The following AIRE variants were observed in gnomAD, a reference collection of about 807,000 sequenced individuals.
The protein encoded by AIRE is autoimmune regulator.
Under a neutral mutation model 62.1 loss-of-function variants are expected in AIRE, and 52 were observed. The observed-to-expected ratio is 0.84, with a 90% CI of 0.67 to 1.06. AIRE has a LOEUF of 1.06. Among genes scored for constraint, AIRE ranks in the 50% least tolerant of loss-of-function variants. AIRE has a pLI of 0.00. For synonymous variants in AIRE, 342 were observed against 321.6 expected, an observed-to-expected ratio of 1.06 and a Z score of -0.68; for missense variants, 774 against 755.8, an observed-to-expected ratio of 1.02 and a Z score of -0.28.
Position 44,293,039 on chromosome 21 carries a change from C to T in AIRE, c.1142C>T (p.Pro381Leu), listed in dbSNP as rs145243072. 1.4e-5 allele frequency: 22 copies of T among 1,612,450 alleles called. No homozygotes were observed. The highest frequency in any genetic ancestry group is 1.8e-5 in the Non-Finnish European group (21 of 1,179,854). ...GCGGGAGAGGAGGTAAGAGGTCCAC[C>T]TGGGGAACCCCTAGCCGGCATGGAC... ...RSAGEEVRGPPGEPLAGMDTT... is the reference protein window; with the variant it reads ...RSAGEEVRGPLGEPLAGMDTT... The change falls in exon 10 of 14, where the codon CCT becomes CTT. Residue 381 changes from proline (P) to leucine (L), a missense_variant. Physicochemically the swap from Pro to Leu is moderately conservative, Grantham distance 98 (BLOSUM62 -3). This residue lies in a region of AIRE where 354 missense variants were observed against 296.1 expected (regional missense o/e 1.20). Transcript: ENST00000291582.
chr21:44,287,287 C>A lies in AIRE; in HGVS notation c.463+154C>A. 1.1e-6 allele frequency: 1 copy of A among 911,250 alleles called. No homozygotes were observed. The highest frequency in any genetic ancestry group is 1.7e-6 in the Non-Finnish European group (1 of 602,860). The allele number at this position is 911,250 out of a possible 1,614,324, so 56.4% of individuals were successfully genotyped here. The stretch of plus-strand genomic sequence containing the variant: ...GTCTCCTCTGGGTACTAGACCCACA[C>A]ACTGGACCAGCCTCTCAGCTCCCTC... On this transcript the variant is annotated intron_variant, in intron 3 of 13. Transcript: ENST00000291582. The surrounding 1 kb of genome is among the most constrained non-coding windows in gnomAD (Gnocchi z 4.3).
chr21:44,293,137 C>A lies in AIRE; in HGVS notation c.1240C>A (p.Leu414Met). 6.3e-7 allele frequency: 1 copy of A among 1,586,922 alleles called. No homozygotes were observed. The highest frequency in any genetic ancestry group is 8.6e-7 in the Non-Finnish European group (1 of 1,167,132). The change falls in exon 10 of 14, where the codon CTG becomes ATG. Residue 414 changes from leucine to methionine, a missense_variant. By Grantham distance (15) the Leu-to-Met change is conservative. This residue lies in a region of AIRE where 354 missense variants were observed against 296.1 expected (regional missense o/e 1.20). Transcript: ENST00000291582. ...GCTGCCAGGGCTGGACTCCTCGGCC[C>A]TGCACCCCCTACTGTGTGTGGGTCC... is the stretch of plus-strand genomic sequence containing the variant. ...APLPGLDSSALHPLLCVGPEG... is the reference protein window; with the variant it reads ...APLPGLDSSAMHPLLCVGPEG...
Position 44,293,107 on chromosome 21 carries a change from G to T in AIRE, c.1210G>T (p.Ala404Ser). 6.2e-7 allele frequency: 1 copy of T among 1,607,162 alleles called. No homozygotes were observed. ...GCACCTGCCGGCTCCGCCTTCTGCA[G>T]CCCCGCTGCCAGGGCTGGACTCCTC... is the stretch of plus-strand genomic sequence containing the variant. ...YKHLPAPPSA[A>S]PLPGLDSSAL... Residue 404 changes from alanine to serine, a missense_variant, in exon 10 of 14, where the codon GCC becomes TCC. Ala to Ser is a moderately conservative substitution (Grantham distance 99). Coordinates refer to ENST00000291582, the MANE Select transcript of AIRE (RefSeq NM_000383.4).
At chr21:44,290,168 C>T (rs2040522056) in intron 7 of AIRE, 100 bp downstream of exon 7, 11 of 1,537,924 alleles carry the variant, frequency 7.2e-6, no homozygotes, top group South Asian at 1.2e-5. Context: ...GGATGAGCAC[C>T]GGGGCCTGAG....
In AIRE at chr21:44,287,004, G is replaced by A. The variant is rs757332603; in HGVS notation, c.334G>A (p.Gly112Arg). Reference sequence around the variant, plus strand: ...TGTGGACCTCAGCCAGCCCCGGAAGGGGAGGAAGCCCCCGGCCGTCCCCAA... The same window carrying A: ...TGTGGACCTCAGCCAGCCCCGGAAGAGGAGGAAGCCCCCGGCCGTCCCCAA... The part of the protein sequence containing the change: ...KDVDLSQPRK[G>R]RKPPAVPKAL... Residue 112 changes from glycine (G) to arginine (R), a missense_variant, in exon 3 of 14, where the codon GGG (glycine) becomes AGG (arginine). Physicochemically the swap from Gly to Arg is moderately radical, Grantham distance 125. This residue lies in a region of AIRE where 385 missense variants were observed against 396.0 expected (regional missense o/e 0.97). Transcript: ENST00000291582. This position sits in a 1 kb window ranked among gnomAD's most constrained non-coding sequence, Gnocchi z 4.3. The A allele has an allele frequency of 3.7e-6, 6 of 1,612,776 alleles. No individual in the cohort carries two copies. The Admixed American group carries it at 1.0e-4, about 27-fold the overall frequency.
rs746054293 is a variant in AIRE, at chr21:44,292,320, C to G, written c.1014C>G (p.Ser338=). 13 of 1,575,976 alleles carry G rather than the reference C, an allele frequency of 8.2e-6. No individual in the cohort carries two copies. The East Asian group carries it at 2.5e-4, about 31-fold the overall frequency. Residue 338 remains serine (S), a synonymous_variant, in exon 9 of 14, where the codon TCC becomes TCG. Coordinates refer to ENST00000291582, the MANE Select transcript of AIRE (RefSeq NM_000383.4). ...CGAGCAGTGGGACCTGGAGGTGCTC[C>G]AGCTGCCTGCAGGCAACAGTCCAGG... is the stretch of plus-strand genomic sequence containing the variant. ...REIPSGTWRC[S]SCLQATVQEV... is the part of the protein sequence containing the mutation.
chr21:44,290,664 C>T (rs979905110), intron 7 of AIRE: 4 of 1,197,202 alleles, frequency 3.3e-6, no homozygotes, highest in Non-Finnish European at 4.4e-6. Flanking sequence ...GGAAGTGGTA[C>T]CTGGGAGACC....
intron 13 of AIRE, 63 bp downstream of exon 13, chr21:44,296,508 C>T (rs1294283738): frequency 6.7e-7 from 1 of 1,492,050 alleles, no homozygotes; most frequent in African/African-American, 1.4e-5. Context: ...AGCCGGCACC[C>T]AGGCTCCCCA....
At chr21:44,289,891 G>A (rs932376942) in intron 6 of AIRE, 89 bp downstream of exon 6, 1 of 1,605,308 alleles carries the variant, frequency 6.2e-7, no homozygotes, top group Middle Eastern at 1.9e-4. Flanking sequence ...GCTCTGCTGG[G>A]GGCTGGGGGC....
chr21:44,290,290 C>G, intron 7 of AIRE: 7 of 985,452 alleles, frequency 7.1e-6, no homozygotes, highest in Non-Finnish European at 7.2e-6. Flanking sequence ...TTCTCAGGCT[C>G]TTAAGAGCAT....
chr21:44,289,439 T>C, intron 5 of AIRE: 1 of 600,966 alleles, frequency 1.7e-6, no homozygotes, highest in Non-Finnish European at 2.9e-6. Context: ...TCTGAGGTTC[T>C]GGGTGGACGT....
Position 44,297,719 on chromosome 21 carries a change from C to A in AIRE, c.1630C>A (p.Pro544Thr), listed in dbSNP as rs1448197225. 10 of 1,610,878 alleles carry A rather than the reference C, an allele frequency of 6.2e-6. No individual in the cohort carries two copies. Among genetic ancestry groups the A allele is most frequent in the Admixed American group, 3.3e-5 (2 of 60,002 alleles). Residue 544 changes from proline to threonine, a missense_variant, in exon 14 of 14, where the codon CCC becomes ACC. By Grantham distance (38) the Pro-to-Thr change is conservative. Around this residue, in one of 3 missense-constraint regions of AIRE, gnomAD observed 354 missense variants for 296.1 expected, o/e 1.20. Transcript: ENST00000291582. This position sits in a 1 kb window ranked among gnomAD's most constrained non-coding sequence, Gnocchi z 4.8. ...CATGGCCCGTCCGGCGGCCCCCTTC[C>A]CCTCCTGACCCCAGATGGCCGGGAC... ...QSMARPAAPF[P>T]S
intron 12 of AIRE, among the ~76,000 whole-genome samples, chr21:44,295,066 G>A (rs928303508): frequency 3.0e-4 from 46 of 152,256 alleles, no homozygotes; most frequent in African/African-American, 1.1e-3. Flanking sequence ...CTGGGTGTGG[G>A]GGAGGCCCGA....
rs750333923 is a variant in AIRE at position 44,297,658 on chromosome 21, C to T, written c.1569C>T (p.His523=). The T allele has an allele frequency of 6.2e-7, 1 of 1,611,798 alleles. No individual in the cohort carries two copies. The highest frequency in any genetic ancestry group is 1.7e-4 in the Middle Eastern group (1 of 6,060). Residue 523 remains histidine, a splice_region_variant and synonymous_variant, in exon 14 of 14, where the codon CAC becomes CAT. Transcript: ENST00000291582. The surrounding 1 kb of genome is among the most constrained non-coding windows in gnomAD (Gnocchi z 4.8). ...RDDLESLLSE[H]TFDGILQWAI... is the part of the protein sequence containing the mutation. ...CTCACCGTCACTCTGTCCCGCAGCA[C>T]ACCTTCGATGGCATCCTGCAGTGGG... is the stretch of plus-strand genomic sequence containing the variant.
Position 44,291,259 on chromosome 21 carries a change from C to T in AIRE, c.995+49C>T, listed in dbSNP as rs142503647. ...CAACCAGGCCACCCCGGTTCACGGCCGCCTCCACCCACTGACCCTGAAGGG... is the reference window on the plus strand; with the variant it reads ...CAACCAGGCCACCCCGGTTCACGGCTGCCTCCACCCACTGACCCTGAAGGG... On this transcript the variant is annotated intron_variant, in intron 8 of 13. Transcript: ENST00000291582. 2.1e-5 allele frequency: 34 copies of T among 1,589,134 alleles called. No homozygotes were observed. The East Asian group carries it at 3.8e-4, about 18-fold the overall frequency.
intron 9 of AIRE, 123 bp from the exon 10 acceptor site, chr21:44,292,870 C>T: frequency 1.2e-6 from 1 of 818,606 alleles, no homozygotes; most frequent in Non-Finnish European, 2.0e-6. Flanking sequence ...CCTCCGCCCC[C>T]ACCATGCCAG....
chr21:44,291,922 C>G (rs1310695004), intron 8 of AIRE, among the ~76,000 whole-genome samples: 2 of 152,204 alleles, frequency 1.3e-5, no homozygotes, highest in Non-Finnish European at 2.9e-5. Context: ...CTTGCCGTCT[C>G]TTTCTGCCCT....
chr21:44,293,897 A>G lies in AIRE; in HGVS notation c.1387A>G (p.Thr463Ala), dbSNP rs766317830. 6.3e-7 allele frequency: 1 copy of G among 1,596,156 alleles called. No individual in the cohort carries two copies. The highest frequency in any genetic ancestry group is 8.5e-7 in the Non-Finnish European group (1 of 1,179,414). Residue 463 changes from threonine to alanine, a missense_variant, in exon 11 of 14, where the codon ACC becomes GCC. Thr to Ala is a moderately conservative substitution (Grantham distance 58). Transcript: ENST00000291582. ...FHWRCHFPAG[T>A]SRPGTGLRCR... ...CTGGCGCTGCCACTTCCCAGCCGGC[A>G]CCTCCCGGCCCGGGTGAGTGAGCGT...
chr21:44,289,698 A>G lies in AIRE; in HGVS notation c.694A>G (p.Thr232Ala), dbSNP rs1448795841. Residue 232 changes from threonine (T) to alanine (A), a missense_variant, in exon 6 of 14, where the codon ACT (threonine) becomes GCT (alanine). Transcript: ENST00000291582. Reference sequence around the variant, plus strand: ...CATCCAGGTTGGCGGGGAGTTCTACACTCCCAGCAAGTTCGAAGACTCCGG... The same window carrying G: ...CATCCAGGTTGGCGGGGAGTTCTACGCTCCCAGCAAGTTCGAAGACTCCGG... Reference protein sequence around the residue: ...KCIQVGGEFYTPSKFEDSGSG... With the variant: ...KCIQVGGEFYAPSKFEDSGSG... 2.5e-6 allele frequency: 4 copies of G among 1,612,578 alleles called. No homozygotes were observed. Among genetic ancestry groups the G allele is most frequent in the Non-Finnish European group, 3.4e-6 (4 of 1,179,916 alleles).
Sources: allele counts gnomAD v4.1 joint callset (sites outside exome capture counted in the v4.1 genomes callset), GRCh38; gene constraint gnomAD v4.1.1; regional missense constraint gnomAD v4.1.1; non-coding constraint Gnocchi (gnomAD v3.1); transcripts MANE v1.5; gene names NCBI Gene and HGNC (gene_info 2026-07-23, HGNC 2026-07-21).